NUP93: variants seen among roughly 807,000 people sequenced by gnomAD.
NUP93 encodes nucleoporin 93, also known as nuclear pore complex protein Nup93.
NUP93 carries 55 observed loss-of-function variants against 107.8 expected under a neutral mutation model. The ratio of observed to expected loss-of-function variants is 0.51; its 90% CI spans 0.41 to 0.64. The LOEUF (loss-of-function observed/expected upper bound fraction) is 0.64. Among genes scored for constraint, NUP93 ranks in the 30% least tolerant of loss-of-function variants. The pLI, the probability that NUP93 is intolerant of heterozygous loss-of-function variation, is 0.00. For missense variants in NUP93, 937 were observed against 1,044.7 expected, an observed-to-expected ratio of 0.90 and a Z score of 1.42; for synonymous variants, 390 against 397.5, an observed-to-expected ratio of 0.98 and a Z score of 0.22.
intron 3 of NUP93, among the ~76,000 whole-genome samples, chr16:56,772,867 C>T (rs1452770796): frequency 6.6e-6 from 1 of 152,182 alleles, no homozygotes; most frequent in African/African-American, 2.4e-5. Flanking sequence ...TAAGAGTTTT[C>T]TGTTACAGTA....
At chr16:56,794,584 T>TAGAG (rs10596725) in intron 3 of NUP93, among the ~76,000 whole-genome samples, 311 of 148,108 alleles carry the variant, frequency 2.1e-3, no homozygotes, top group African/African-American at 5.8e-3. Context: ...GTGTGTGTGA[T>TAGAG]AGAGAGAGAG....
chr16:56,738,417 C>T (rs1961646423), intron 1 of NUP93, among the ~76,000 whole-genome samples: 1 of 152,246 alleles, frequency 6.6e-6, no homozygotes, highest in Non-Finnish European at 1.5e-5. Flanking sequence ...AAAGCTGATA[C>T]TACCCATTCC....
intron 1 of NUP93, among the ~76,000 whole-genome samples, chr16:56,746,592 TTTAAAG>T (rs1442431196): frequency 1.4e-4 from 22 of 152,392 alleles, no homozygotes; most frequent in African/African-American, 4.6e-4. Flanking sequence ...TGCCTTTGCC[TTTAAAG>T]TTAATGTCCT....
At chr16:56,795,485 C>CT (rs1463559804) in intron 3 of NUP93, among the ~76,000 whole-genome samples, 1 of 152,000 alleles carries the variant, frequency 6.6e-6, no homozygotes, top group Non-Finnish European at 1.5e-5. Flanking sequence ...GGGTTCCTAG[C>CT]TTTATGTGCT....
chr16:56,791,537 C>A (rs1232898690), intron 3 of NUP93, among the ~76,000 whole-genome samples: 1 of 152,230 alleles, frequency 6.6e-6, no homozygotes, highest in African/African-American at 2.4e-5. Context: ...AACAAACATC[C>A]TTTTGCTCGC....
At position 56,847,067 on chromosome 16, in the gene NUP93, T is replaced by C. The variant is rs1964125582; in HGVS notation, c.*2458T>C. The C allele has an allele frequency of 6.6e-6, 1 of 152,352 alleles. No individual in the cohort carries two copies. The highest frequency in any genetic ancestry group is 1.5e-5 in the Non-Finnish European group (1 of 68,058). The allele number at this position is 152,352 out of a possible 1,614,324, so 9.4% of individuals were successfully genotyped here. On this transcript the variant is annotated 3_prime_UTR_variant, in exon 22 of 22. Transcript: ENST00000308159. The stretch of plus-strand genomic sequence containing the variant: ...GGGGAGCTGTGAGTTGGGAGAAAAG[T>C]GGTCACTGGTTGGCAGTTAAGGACT...
intron 5 of NUP93, among the ~76,000 whole-genome samples, chr16:56,818,042 G>T (rs993310473): frequency 6.6e-6 from 1 of 152,142 alleles, no homozygotes; most frequent in African/African-American, 2.4e-5. Flanking sequence ...GACAGGCTTC[G>T]CAGGCTGGGT....
rs367952517 is a variant in NUP93 at position 56,841,818 on chromosome 16, C to T, written c.2334C>T (p.Ile778=). 2.2e-5 allele frequency: 36 copies of T among 1,613,970 alleles called. 1 individual carries two copies. The highest frequency in any genetic ancestry group is 1.1e-4 in the South Asian group (10 of 91,074). Residue 778 remains isoleucine, a synonymous_variant, in exon 21 of 22, where the codon ATC becomes ATT. Coordinates refer to ENST00000308159, the MANE Select transcript of NUP93 (RefSeq NM_014669.5). The stretch of plus-strand genomic sequence containing the variant: ...CGTCATCCAGGCCCCAGCGAGTCAT[C>T]GAGGACCGCGACTCTGTAAGATCCC... ...PSSSSRPQRV[I]EDRDSQLRSQ...
chr16:56,731,743 A>G (rs1360853680), intron 1 of NUP93, among the ~76,000 whole-genome samples: 1 of 151,934 alleles, frequency 6.6e-6, no homozygotes, highest in Non-Finnish European at 1.5e-5. Context: ...AATACTTGCC[A>G]CCCTGGGCCA....
In NUP93 at chr16:56,742,741, T is replaced by C. The variant is rs542787501; in HGVS notation, c.-14-5493T>C. ...TTGTTTCATTTTCCTTTTCCCTTTG[T>C]AGCTTTGGTGCTTTAATTTTCTGGA... On this transcript the variant is annotated intron_variant, in intron 1 of 21. Coordinates refer to ENST00000308159, the MANE Select transcript of NUP93 (RefSeq NM_014669.5). Among the ~76,000 whole-genome samples the C allele has an allele frequency of 2.2e-4, 33 of 152,342 alleles. No individual in the cohort carries two copies. The East Asian group carries it at 5.6e-3, about 26-fold the overall frequency.
rs771130377 is a variant in NUP93 at position 56,830,580 on chromosome 16, G to T, written c.980G>T (p.Arg327Leu). The change falls in exon 10 of 22, where the codon CGC becomes CTC. Residue 327 changes from arginine to leucine, a missense_variant. Arg to Leu is a moderately radical substitution (Grantham distance 102, BLOSUM62 -2). Coordinates refer to ENST00000308159, the MANE Select transcript of NUP93 (RefSeq NM_014669.5). ...PVWALIYYCM[R>L]CGDLLAASQV... is the part of the protein sequence containing the mutation. The stretch of plus-strand genomic sequence containing the variant: ...TGGGCGCTAATTTACTACTGCATGC[G>T]CTGTGGAGACCTGCTTGCCGCTTCA... The T allele has an allele frequency of 1.2e-6, 2 of 1,609,906 alleles. No individual in the cohort carries two copies. Among genetic ancestry groups the T allele is most frequent in the South Asian group, 1.1e-5 (1 of 90,890 alleles).
At chr16:56,745,742 G>A (rs1408561029) in intron 1 of NUP93, among the ~76,000 whole-genome samples, 2 of 152,190 alleles carry the variant, frequency 1.3e-5, no homozygotes, top group Non-Finnish European at 2.9e-5. Flanking sequence ...TGGATGAAAA[G>A]TTAGAGCCCA....
intron 2 of NUP93, among the ~76,000 whole-genome samples, chr16:56,754,734 A>G (rs1315571953): frequency 6.6e-6 from 1 of 151,626 alleles, no homozygotes; most frequent in African/African-American, 2.4e-5. Flanking sequence ...TTTTCTCACA[A>G]CTCCACTAGG....
rs182733641 is a variant in NUP93, at chr16:56,834,687, T to G, written c.1738-47T>G. On this transcript the variant is annotated intron_variant, in intron 15 of 21. Coordinates refer to ENST00000308159, the MANE Select transcript of NUP93 (RefSeq NM_014669.5). ...TTTCTCTGAAGACTTATGGAATATG[T>G]TTATATCTTTGTCCAATAATTTGAG... is the stretch of plus-strand genomic sequence containing the variant. 106 of 1,538,416 alleles carry G rather than the reference T, an allele frequency of 6.9e-5. No individual in the cohort carries two copies. In the East Asian group the frequency reaches 2.4e-3, roughly 34 times the overall value.
At chr16:56,812,345 T>C (rs1474425273) in intron 5 of NUP93, among the ~76,000 whole-genome samples, 1 of 151,004 alleles carries the variant, frequency 6.6e-6, no homozygotes, top group Non-Finnish European at 1.5e-5. Context: ...TAGCAAGTTG[T>C]TTTTTTTTCT....
In NUP93 at chr16:56,809,157, T is replaced by A. The variant is rs149282200; in HGVS notation, c.489+3525T>A. On this transcript the variant is annotated intron_variant, in intron 5 of 21. Transcript: ENST00000308159. The stretch of plus-strand genomic sequence containing the variant: ...GAGCAGCAAAAAAGATTGTCTCCCT[T>A]TATCTGTGATTTTTGCCTTTGTGCC... 4.3e-3 allele frequency among the ~76,000 whole-genome samples: 650 copies of A among 152,288 alleles called. 6 individuals carry two copies. Among genetic ancestry groups the A allele is most frequent in the African/African-American group, 0.014 (601 of 41,542 alleles).
chr16:56,837,556 C>T, intron 17 of NUP93, 52 bp from the exon 18 acceptor site: 1 of 1,423,804 alleles, frequency 7.0e-7, no homozygotes, highest in Middle Eastern at 1.7e-4. Flanking sequence ...ATAGTTGTTC[C>T]TTTTATTGAT....
chr16:56,803,652 T>C (rs1963069184), intron 4 of NUP93, among the ~76,000 whole-genome samples: 1 of 151,956 alleles, frequency 6.6e-6, no homozygotes, highest in East Asian at 1.9e-4. Flanking sequence ...GGAAAGATGC[T>C]CAACATCATT....
chr16:56,834,046 T>C (rs939742388), intron 13 of NUP93, 82 bp from the exon 14 acceptor site: 1 of 1,584,296 alleles, frequency 6.3e-7, no homozygotes, highest in Non-Finnish European at 8.6e-7. Flanking sequence ...GCTGGGTCTG[T>C]GGATTCAGCT....
Sources: gnomAD v4.1 joint callset for allele counts (sites outside exome capture counted in the v4.1 genomes callset) on GRCh38, gnomAD v4.1.1 for gene constraint, MANE v1.5 for transcripts, NCBI Gene and HGNC (gene_info 2026-07-23, HGNC 2026-07-21) for gene names.